ATP9A: variants seen among roughly 807,000 people sequenced by gnomAD.
ATP9A encodes the protein probable phospholipid-transporting ATPase IIA.
Under a neutral mutation model 144.1 loss-of-function variants are expected in ATP9A, and 52 were observed. That is an observed-to-expected ratio of 0.36 (90% CI 0.29 to 0.45). ATP9A has a LOEUF of 0.45. ATP9A is among the 20% of genes least tolerant of loss of function. ATP9A has a pLI of 1.00. For synonymous variants in ATP9A, 582 were observed against 557.4 expected (o/e 1.04, Z -0.62); for missense variants, 947 against 1,392.7 (o/e 0.68, Z 5.09).
intron 4 of ATP9A, 139 bp downstream of exon 4, chr20:51,712,827 T>C (rs1209361854): frequency 1.6e-5 from 12 of 735,270 alleles, no homozygotes; most frequent in Middle Eastern, 2.7e-4. Flanking sequence ...GAGGCCTCCC[T>C]GGTGCTGGAG....
chr20:51,694,984 T>C (rs2077564419), intron 6 of ATP9A, among the ~76,000 whole-genome samples: 1 of 152,222 alleles, frequency 6.6e-6, no homozygotes, highest in Admixed American at 6.5e-5. Flanking sequence ...AAAGGCTGTT[T>C]TAATCTAGTG....
intron 27 of ATP9A, 142 bp downstream of exon 27, chr20:51,604,675 G>T: frequency 1.5e-6 from 1 of 685,546 alleles, no homozygotes; most frequent in Non-Finnish European, 2.2e-6. Context: ...TTAAGAAAAC[G>T]TGGACAGCTG....
chr20:51,763,476 C>G (rs1279197732), intron 1 of ATP9A, among the ~76,000 whole-genome samples: 1 of 151,828 alleles, frequency 6.6e-6, no homozygotes, highest in East Asian at 1.9e-4. Context: ...CCACACCCAG[C>G]TAATTTTTTG....
intron 14 of ATP9A, among the ~76,000 whole-genome samples, chr20:51,641,739 G>C (rs2077320068): frequency 6.8e-6 from 1 of 146,494 alleles, no homozygotes; most frequent in South Asian, 2.2e-4. Context: ...GCTGAGGCAG[G>C]AGAATCACTT....
chr20:51,625,846 G>A (rs550671531), intron 17 of ATP9A, among the ~76,000 whole-genome samples: 8 of 152,234 alleles, frequency 5.3e-5, no homozygotes, highest in Non-Finnish European at 1.0e-4. Flanking sequence ...GCAAAAACCT[G>A]GAGGAAAACC....
At chr20:51,644,267 C>CTTTTTTCT (rs2077332368) in intron 14 of ATP9A, among the ~76,000 whole-genome samples, 8 of 76,016 alleles carry the variant, frequency 1.1e-4, no homozygotes, top group Non-Finnish European at 1.3e-4. Context: ...TTACTTCTAG[C>CTTTTTTCT]TTTTTTTTTT....
chr20:51,690,734 C>T lies in ATP9A; in HGVS notation c.723+5G>A, dbSNP rs1262999405. On this transcript the variant is annotated splice_donor_5th_base_variant and intron_variant, in intron 8 of 27. Coordinates refer to ENST00000338821, the MANE Select transcript of ATP9A (RefSeq NM_006045.3). ...CAGGATCCCATGTGAAGGAAGCTCACTTACTCGGGTAAAAGTTCCCACGAA... is the reference window on the plus strand; with the variant it reads ...CAGGATCCCATGTGAAGGAAGCTCATTTACTCGGGTAAAAGTTCCCACGAA... The T allele has an allele frequency of 6.2e-7, 1 of 1,612,048 alleles. No homozygotes were observed. The highest frequency in any genetic ancestry group is 8.5e-7 in the Non-Finnish European group (1 of 1,178,214).
At chr20:51,676,945 T>TTTTTA (rs2077479964) in intron 9 of ATP9A, among the ~76,000 whole-genome samples, 1 of 103,850 alleles carries the variant, frequency 9.6e-6, no homozygotes, top group Admixed American at 1.0e-4. Context: ...TTTTTTTTTT[T>TTTTTA]GAGAGAGGGT....
chr20:51,726,313 CAAAAAAAAAAAAAA>C (rs11476208), intron 2 of ATP9A, among the ~76,000 whole-genome samples: 9 of 70,786 alleles, frequency 1.3e-4, no homozygotes, highest in African/African-American at 2.7e-4. Context: ...AACTCTGTCT[CAAAAAAAAAAAAAA>C]AAAAAAAAAA....
chr20:51,661,864 C>A (rs1446994532), intron 13 of ATP9A, among the ~76,000 whole-genome samples: 3 of 152,142 alleles, frequency 2.0e-5, no homozygotes, highest in African/African-American at 7.2e-5. Flanking sequence ...CCAATGTTTA[C>A]TGTTTTAGAG....
chr20:51,642,010 CTTGA>C (rs1317808316), intron 14 of ATP9A, among the ~76,000 whole-genome samples: 1 of 144,620 alleles, frequency 6.9e-6, no homozygotes, highest in Non-Finnish European at 1.5e-5. Context: ...TTTCTTCTTT[CTTGA>C]TTTTTTGTAG....
chr20:51,761,633 G>A (rs774492511), intron 1 of ATP9A, among the ~76,000 whole-genome samples: 2 of 151,982 alleles, frequency 1.3e-5, no homozygotes, highest in Non-Finnish European at 2.9e-5. Context: ...GGTGACAGGC[G>A]CCTGTAGTCC....
At chr20:51,722,246 G>A (rs6126327) in intron 3 of ATP9A, among the ~76,000 whole-genome samples, 33,172 of 151,982 alleles carry the variant, frequency 0.22, 4,215 homozygotes, top group East Asian at 0.44. Flanking sequence ...GTTCTAGAAG[G>A]TAACATTGGA....
At chr20:51,766,780 C>T (rs2077905921) in intron 1 of ATP9A, among the ~76,000 whole-genome samples, 1 of 152,078 alleles carries the variant, frequency 6.6e-6, no homozygotes, top group Admixed American at 6.5e-5. Context: ...GCGGAGGTTG[C>T]AGTGAGCCGA....
intron 9 of ATP9A, among the ~76,000 whole-genome samples, chr20:51,683,933 A>T (rs972605839): frequency 1.1e-4 from 16 of 152,220 alleles, no homozygotes; most frequent in African/African-American, 3.1e-4. Flanking sequence ...TAGAGCAGGG[A>T]AAATTTTCTT....
intron 15 of ATP9A, among the ~76,000 whole-genome samples, chr20:51,633,230 G>A (rs6013240): frequency 0.75 from 114,519 of 152,116 alleles, 44,109 homozygotes; most frequent in Middle Eastern, 0.84. Flanking sequence ...TCAACAGAAC[G>A]CTGCACATGC....
intron 1 of ATP9A, among the ~76,000 whole-genome samples, chr20:51,731,587 C>T (rs2077741563): frequency 6.6e-6 from 1 of 151,998 alleles, no homozygotes; most frequent in South Asian, 2.1e-4. Flanking sequence ...GGTGTGGTGG[C>T]AGACGCCTAT....
intron 27 of ATP9A, among the ~76,000 whole-genome samples, chr20:51,601,883 G>A (rs942352660): frequency 6.6e-6 from 1 of 151,978 alleles, no homozygotes; most frequent in African/African-American, 2.4e-5. Context: ...CTCCACCCTG[G>A]GCAACAGAAT....
intron 23 of ATP9A, among the ~76,000 whole-genome samples, 170 bp downstream of exon 23, chr20:51,613,507 G>A (rs1230408388): frequency 1.3e-5 from 2 of 152,164 alleles, no homozygotes; most frequent in East Asian, 1.9e-4. Context: ...GCCAGGTGGG[G>A]GATTTAAACT....
Sources: gnomAD v4.1 joint callset for allele counts (sites outside exome capture counted in the v4.1 genomes callset) on GRCh38, gnomAD v4.1.1 for gene constraint, MANE v1.5 for transcripts, NCBI Gene and HGNC (gene_info 2026-07-23, HGNC 2026-07-21) for gene names.